FBXL13: variants seen among roughly 807,000 people sequenced by gnomAD.
FBXL13 encodes F-box and leucine-rich repeat protein 13.
Under a neutral mutation model 83.6 loss-of-function variants are expected in FBXL13, and 67 were observed. The observed-to-expected ratio is 0.80, with a 90% CI of 0.66 to 0.98. The LOEUF (loss-of-function observed/expected upper bound fraction) is 0.98. Among genes scored for constraint, FBXL13 ranks in the 50% least tolerant of loss-of-function variants. The pLI is 0.00. For missense variants in FBXL13, 822 were observed against 866.5 expected (o/e 0.95, Z 0.64); for synonymous variants, 272 against 299.5 (o/e 0.91, Z 0.95).
intron 6 of FBXL13, among the ~76,000 whole-genome samples, chr7:103,001,921 T>C (rs1790440364): frequency 6.6e-6 from 1 of 152,170 alleles, no homozygotes; most frequent in Non-Finnish European, 1.5e-5. Context: ...CTTGTAATCA[T>C]GAGAACCAGT....
At chr7:102,840,083 C>T (rs931578162) in intron 17 of FBXL13, among the ~76,000 whole-genome samples, 2 of 151,932 alleles carry the variant, frequency 1.3e-5, no homozygotes, top group Non-Finnish European at 2.9e-5. Flanking sequence ...TAAAATTTGA[C>T]AGATGCATAA....
chr7:103,061,328 G>A (rs533386336), intron 1 of FBXL13, among the ~76,000 whole-genome samples: 31 of 152,316 alleles, frequency 2.0e-4, no homozygotes, highest in African/African-American at 6.3e-4. Context: ...GTCCCAGAGG[G>A]GAAGCAGTCC....
chr7:102,885,786 A>G (rs1193950205), intron 11 of FBXL13, among the ~76,000 whole-genome samples: 1 of 151,938 alleles, frequency 6.6e-6, no homozygotes, highest in Non-Finnish European at 1.5e-5. Flanking sequence ...ATTTTGTGTT[A>G]ATTTTTATAC....
chr7:103,008,928 C>T (rs1791283739), intron 6 of FBXL13, among the ~76,000 whole-genome samples: 2 of 151,984 alleles, frequency 1.3e-5, no homozygotes, highest in Admixed American at 1.3e-4. Flanking sequence ...AAATAAATGA[C>T]AATAATAGCA....
At chr7:103,020,463 A>C (rs1321928210) in intron 6 of FBXL13, among the ~76,000 whole-genome samples, 2 of 152,230 alleles carry the variant, frequency 1.3e-5, no homozygotes, top group Non-Finnish European at 1.5e-5. Context: ...TAGCGTTGGA[A>C]GTTCTGGCCA....
chr7:102,978,901 A>G (rs545842500), intron 6 of FBXL13, among the ~76,000 whole-genome samples: 1 of 152,358 alleles, frequency 6.6e-6, no homozygotes, highest in South Asian at 2.1e-4. Context: ...AATCATAATG[A>G]AAGATAATAT....
chr7:102,842,613 G>T (rs1803151250), intron 17 of FBXL13, among the ~76,000 whole-genome samples: 1 of 152,218 alleles, frequency 6.6e-6, no homozygotes, highest in African/African-American at 2.4e-5. Context: ...CTTGCTGTTA[G>T]AGCACATGAA....
Position 102,915,682 on chromosome 7 carries a change from A to G in FBXL13, c.879-2467T>C, listed in dbSNP as rs1017827050. Among the ~76,000 whole-genome samples, 4 of 152,208 alleles carry G rather than the reference A, an allele frequency of 2.6e-5. No homozygotes were observed. In the South Asian group the frequency reaches 6.2e-4, roughly 24 times the overall value. ...TTTTTAAATGCATAAAATAAAATAT[A>G]TAAGATTACAAAAACAGCCAATTAT... On this transcript the variant is annotated intron_variant, in intron 10 of 19. Coordinates refer to ENST00000313221, the Ensembl canonical transcript of FBXL13.
chr7:102,953,799 G>GA (rs1215252806), intron 8 of FBXL13, among the ~76,000 whole-genome samples: 1 of 152,104 alleles, frequency 6.6e-6, no homozygotes, highest in Non-Finnish European at 1.5e-5. Flanking sequence ...AGGTCAAACT[G>GA]AAACCCTGAA....
At chr7:102,847,183 A>G (rs1480738029) in intron 17 of FBXL13, among the ~76,000 whole-genome samples, 1 of 151,688 alleles carries the variant, frequency 6.6e-6, no homozygotes, top group African/African-American at 2.4e-5. Context: ...AACAGAAACT[A>G]CCTGACCCTT....
intron 16 of FBXL13, among the ~76,000 whole-genome samples, chr7:102,860,499 G>A (rs1806651875): frequency 6.6e-6 from 1 of 152,120 alleles, no homozygotes; most frequent in Non-Finnish European, 1.5e-5. Context: ...TTCAGTTTGG[G>A]GTCACTGGGA....
At chr7:102,967,261 C>A (rs372930653) in intron 7 of FBXL13, among the ~76,000 whole-genome samples, 1 of 75,640 alleles carries the variant, frequency 1.3e-5, no homozygotes, top group African/African-American at 3.9e-5. Flanking sequence ...CCCAGCCAAT[C>A]CTCTCTTTCT....
chr7:102,973,864 C>T (rs1240409233), intron 6 of FBXL13: 2 of 695,464 alleles, frequency 2.9e-6, no homozygotes, highest in Non-Finnish European at 5.2e-6. Context: ...TCCAAGAAGG[C>T]TCCGACGTGT....
At chr7:103,018,316 T>C (rs1792640881) in intron 6 of FBXL13, among the ~76,000 whole-genome samples, 1 of 152,122 alleles carries the variant, frequency 6.6e-6, no homozygotes, top group Non-Finnish European at 1.5e-5. Context: ...CAAGAGCTCC[T>C]GAAGGAAGCA....
chr7:103,022,871 A>G (rs897882352), intron 6 of FBXL13, among the ~76,000 whole-genome samples: 1 of 152,234 alleles, frequency 6.6e-6, no homozygotes, highest in African/African-American at 2.4e-5. Context: ...GAAACTATCA[A>G]CAGAATAAAC....
chr7:102,902,470 G>A (rs1182524938), intron 11 of FBXL13, among the ~76,000 whole-genome samples: 1 of 152,118 alleles, frequency 6.6e-6, no homozygotes, highest in African/African-American at 2.4e-5. Context: ...TGCTTTGGTT[G>A]CCTGTACTTG....
intron 17 of FBXL13, among the ~76,000 whole-genome samples, chr7:102,837,946 T>C (rs1158568499): frequency 6.6e-6 from 1 of 152,262 alleles, no homozygotes; most frequent in Non-Finnish European, 1.5e-5. Context: ...AATTTATCTT[T>C]GCCAACATCT....
At chr7:103,015,873 T>C (rs1466926107) in intron 6 of FBXL13, among the ~76,000 whole-genome samples, 1 of 149,234 alleles carries the variant, frequency 6.7e-6, no homozygotes, top group Non-Finnish European at 1.5e-5. Context: ...GTGAGCCAAA[T>C]TAAGAATTCA....
At chr7:102,887,579 A>G (rs1810965661) in intron 11 of FBXL13, among the ~76,000 whole-genome samples, 1 of 152,176 alleles carries the variant, frequency 6.6e-6, no homozygotes, top group Non-Finnish European at 1.5e-5. Context: ...AGAAACTCAG[A>G]ATTTCTACAT....
Sources: gnomAD v4.1 joint callset for allele counts (sites outside exome capture counted in the v4.1 genomes callset) on GRCh38, gnomAD v4.1.1 for gene constraint, MANE v1.5 for transcripts, NCBI Gene and HGNC (gene_info 2026-07-23, HGNC 2026-07-21) for gene names.